MAK: variants seen among roughly 807,000 people sequenced by gnomAD.
The protein encoded by MAK is male germ cell associated kinase, also known as serine/threonine-protein kinase MAK.
In MAK, 65 loss-of-function variants were observed where a neutral mutation model predicts 82.6. The observed-to-expected ratio is 0.79, with a 90% CI of 0.64 to 0.97. The LOEUF (loss-of-function observed/expected upper bound fraction) is 0.97, where lower values mean the gene tolerates loss of function less well. Ranked by LOEUF, MAK falls within the 50% of genes least tolerant of loss-of-function variation. The probability of loss-of-function intolerance (pLI) is 0.00; values close to 1 mark genes in which losing one functional copy is unlikely to be tolerated. For synonymous variants in MAK, 250 were observed against 274.2 expected (o/e 0.91, Z 0.87); for missense variants, 703 against 780.2 (o/e 0.90, Z 1.18).
In MAK at chr6:10,791,867, A is replaced by G. The variant is rs377529257; in HGVS notation, c.1144-20T>C. The G allele has an allele frequency of 1.1e-5, 18 of 1,613,770 alleles. No individual in the cohort carries two copies. The highest frequency in any genetic ancestry group is 1.7e-4 in the Middle Eastern group (1 of 6,060). On this transcript the variant is annotated intron_variant, in intron 9 of 14. Transcript: ENST00000354489. ...TGGCTTCTGTGGTGGAAAATCAGTC[A>G]TCATAATCTTTAATCATGTACTGAA...
At chr6:10,835,257 C>A (rs376251190) in intron 1 of MAK, among the ~76,000 whole-genome samples, 1 of 152,186 alleles carries the variant, frequency 6.6e-6, no homozygotes, top group Non-Finnish European at 1.5e-5. Flanking sequence ...CATCTTTCTA[C>A]GATTTTTCCC....
chr6:10,798,025 T>C (rs953799567), intron 8 of MAK: 2 of 932,234 alleles, frequency 2.1e-6, no homozygotes, highest in Admixed American at 6.2e-5. Context: ...AGTATGTCAA[T>C]ATTCCTAAAT....
At chr6:10,836,176 T>C (rs539233764) in intron 1 of MAK, among the ~76,000 whole-genome samples, 50 of 152,278 alleles carry the variant, frequency 3.3e-4, no homozygotes, top group African/African-American at 1.2e-3. Context: ...TCCTTTCTGT[T>C]TGAGGGGTGG....
chr6:10,795,514 G>A (rs1775463210), intron 9 of MAK, among the ~76,000 whole-genome samples: 1 of 152,108 alleles, frequency 6.6e-6, no homozygotes, highest in South Asian at 2.1e-4. Flanking sequence ...AGGCCAAGGC[G>A]GGTGTATCAC....
chr6:10,806,004 G>T (rs976429295), intron 6 of MAK, among the ~76,000 whole-genome samples: 1 of 152,060 alleles, frequency 6.6e-6, no homozygotes, highest in Non-Finnish European at 1.5e-5. Flanking sequence ...TAACCAGGGC[G>T]GATCCCTCAT....
At chr6:10,807,227 A>AC (rs1304184252) in intron 6 of MAK, among the ~76,000 whole-genome samples, 1 of 150,132 alleles carries the variant, frequency 6.7e-6, no homozygotes, top group African/African-American at 2.5e-5. Flanking sequence ...TCTCAGTCAG[A>AC]CCCTCCATGT....
In MAK at chr6:10,808,503, G is replaced by A. The variant is rs567723597; in HGVS notation, c.491+307C>T. On this transcript the variant is annotated intron_variant, in intron 6 of 14. Transcript: ENST00000354489. ...TGTCATGTAAGCAGCATAAGGCAGA[G>A]ATTTTTCTTTTCTTTTTTTATTTCA... 8.5e-5 allele frequency among the ~76,000 whole-genome samples: 13 copies of A among 152,274 alleles called. No individual in the cohort carries two copies. The South Asian group carries it at 2.7e-3, about 32-fold the overall frequency.
At chr6:10,837,027 G>T (rs1230055636) in intron 1 of MAK, among the ~76,000 whole-genome samples, 4 of 152,310 alleles carry the variant, frequency 2.6e-5, no homozygotes, top group African/African-American at 9.6e-5. Context: ...GCTAATAAGA[G>T]ATTCAGATAG....
chr6:10,765,787 A>G (rs947496033), intron 14 of MAK, among the ~76,000 whole-genome samples: 5 of 152,052 alleles, frequency 3.3e-5, no homozygotes, highest in African/African-American at 1.2e-4. Context: ...CACCCGGCCC[A>G]TACTTCATTT....
chr6:10,813,116 ATATATATATATATATATAAATTTTTTTT>A (rs1777127430), intron 5 of MAK, among the ~76,000 whole-genome samples: 1 of 4,948 alleles, frequency 2.0e-4, no homozygotes, highest in African/African-American at 8.3e-4. Flanking sequence ...ATATATATAT[ATATATATATATATATATAAATTTTTTTT>A]TTTTTTTTTT....
chr6:10,820,388 G>A (rs565631361), intron 2 of MAK, among the ~76,000 whole-genome samples: 1 of 152,262 alleles, frequency 6.6e-6, no homozygotes, highest in East Asian at 1.9e-4. Context: ...TCACAGCCAA[G>A]AACAGAGGCT....
chr6:10,833,542 T>G (rs1310272721), intron 1 of MAK, among the ~76,000 whole-genome samples: 4 of 151,884 alleles, frequency 2.6e-5, no homozygotes, highest in Non-Finnish European at 4.4e-5. Flanking sequence ...GAGGCGGAGG[T>G]TGCAGTGAGC....
Position 10,791,807 on chromosome 6 carries a change from C to T in MAK, c.1184G>A (p.Arg395His), listed in dbSNP as rs62000445. 2.6e-5 allele frequency: 42 copies of T among 1,614,034 alleles called. No homozygotes were observed. The highest frequency in any genetic ancestry group is 8.3e-5 in the Admixed American group (5 of 60,006). ...GTLSHKSGRR[R>H]WGQTIFKSGD... is the part of the protein sequence containing the mutation. ...AGACTTGAAGATAGTCTGACCCCAA[C>T]GCCTCCTACCACTTTTATGACTCAG... The change falls in exon 10 of 15, where the codon CGT becomes CAT. Residue 395 changes from arginine (R) to histidine (H), a missense_variant. By Grantham distance (29) the Arg-to-His change is conservative. Transcript: ENST00000354489.
At chr6:10,803,361 A>G (rs1408231819) in intron 7 of MAK, among the ~76,000 whole-genome samples, 1 of 152,048 alleles carries the variant, frequency 6.6e-6, no homozygotes, top group Non-Finnish European at 1.5e-5. Context: ...CCTGGCCAAC[A>G]TGGTGAAATC....
chr6:10,826,526 T>G (rs1778381197), intron 2 of MAK: 1 of 152,222 alleles, frequency 6.6e-6, no homozygotes, highest in Non-Finnish European at 1.5e-5. Flanking sequence ...TCCATGGGAC[T>G]CCTCTTCTCA....
At chr6:10,834,678 C>T (rs1779039707) in intron 1 of MAK, among the ~76,000 whole-genome samples, 1 of 152,150 alleles carries the variant, frequency 6.6e-6, no homozygotes, top group African/African-American at 2.4e-5. Flanking sequence ...CTGGGTCATT[C>T]AGACCAGTGA....
chr6:10,807,260 T>C (rs1581722754), intron 6 of MAK, among the ~76,000 whole-genome samples: 1 of 143,296 alleles, frequency 7.0e-6, no homozygotes, highest in African/African-American at 2.6e-5. Flanking sequence ...TCTCCCCATC[T>C]CCCCCAACTC....
chr6:10,787,409 C>T (rs1032922324), intron 10 of MAK, among the ~76,000 whole-genome samples: 3 of 152,214 alleles, frequency 2.0e-5, no homozygotes, highest in African/African-American at 7.2e-5. Flanking sequence ...CAAGTCTCAG[C>T]ATCCTACTCT....
At chr6:10,768,546 A>C (rs957326699) in intron 14 of MAK, among the ~76,000 whole-genome samples, 1 of 152,146 alleles carries the variant, frequency 6.6e-6, no homozygotes, top group Admixed American at 6.6e-5. Context: ...ACACCACTGC[A>C]CTCCAGCCTG....
Sources: gnomAD v4.1 joint callset for allele counts (sites outside exome capture counted in the v4.1 genomes callset) on GRCh38, gnomAD v4.1.1 for gene constraint, MANE v1.5 for transcripts, NCBI Gene and HGNC (gene_info 2026-07-23, HGNC 2026-07-21) for gene names.